Variants in NMD3 observed in about 807,000 individuals in gnomAD.
The protein encoded by NMD3 is NMD3 ribosome export adaptor, also known as 60S ribosomal export protein NMD3.
NMD3 carries 47 observed loss-of-function variants against 73.1 expected under a neutral mutation model. That is an observed-to-expected ratio of 0.64 (90% CI 0.51 to 0.82). The LOEUF (loss-of-function observed/expected upper bound fraction) is 0.82. NMD3 is among the 40% of genes least tolerant of loss of function. The pLI is 0.00. For missense variants in NMD3, 554 were observed against 612.5 expected, an observed-to-expected ratio of 0.90 and a Z score of 1.01; for synonymous variants, 210 against 194.5, an observed-to-expected ratio of 1.08 and a Z score of -0.66.
intron 11 of NMD3, 73 bp from the exon 12 acceptor site, chr3:161,246,263 A>T: frequency 1.8e-6 from 1 of 571,398 alleles, no homozygotes; most frequent in South Asian, 4.8e-5. Context: ...TCAATATTGT[A>T]TTTAACTTTT....
intron 4 of NMD3, among the ~76,000 whole-genome samples, chr3:161,230,722 A>T (rs1182263908): frequency 6.6e-6 from 1 of 152,208 alleles, no homozygotes. Flanking sequence ...CTAGAGGGGC[A>T]TTCTGGAGGT....
chr3:161,252,776 T>C, downstream of NMD3: 1 of 688,170 alleles, frequency 1.5e-6, no homozygotes, highest in Non-Finnish European at 2.6e-6. Context: ...TAGCCAAATC[T>C]GCACCTGAAG....
At position 161,250,909 on chromosome 3, in the gene NMD3, A is replaced by G; in HGVS notation, c.1511A>G (p.Ter504=). 1.9e-6 allele frequency: 3 copies of G among 1,611,222 alleles called. No individual in the cohort carries two copies. Among genetic ancestry groups the G allele is most frequent in the Non-Finnish European group, 2.5e-6 (3 of 1,178,202 alleles). ...TGEEGASMLT[*] ...GAAGAAGGTGCATCAATGCTGACAT[A>G]ATGAGATGTTGTAGACTGTTTCCAT... Residue 504 remains the stop codon, a stop_retained_variant, in exon 16 of 16, where the codon TAA becomes TGA. Transcript: ENST00000351193.
In NMD3 at chr3:161,234,844, G is replaced by A. The variant is rs781553096; in HGVS notation, c.475G>A (p.Val159Met). 2 of 1,613,392 alleles carry A rather than the reference G, an allele frequency of 1.2e-6. No homozygotes were observed. Among genetic ancestry groups the A allele is most frequent in the South Asian group, 1.1e-5 (1 of 91,060 alleles). The change falls in exon 6 of 16, where the codon GTG (valine) becomes ATG (methionine). Residue 159 changes from valine to methionine, a missense_variant. By Grantham distance (21) the Val-to-Met change is conservative (BLOSUM62 1). Coordinates refer to ENST00000351193, the MANE Select transcript of NMD3 (RefSeq NM_015938.5). ...GGATTTCTGGAAGGCTGTGATTCAAGTGAGGCAAAAGGTAATGAGAGAAGA... is the reference window on the plus strand; with the variant it reads ...GGATTTCTGGAAGGCTGTGATTCAAATGAGGCAAAAGGTAATGAGAGAAGA... ...AKDFWKAVIQ[V>M]RQKTLHKKTF...
At chr3:161,224,805 A>AT in intron 2 of NMD3, 125 bp from the exon 3 acceptor site, 5 of 972,044 alleles carry the variant, frequency 5.1e-6, no homozygotes, top group South Asian at 1.8e-5. Flanking sequence ...TGTTTCTGTT[A>AT]TTTTTTTGAA....
intron 7 of NMD3, among the ~76,000 whole-genome samples, chr3:161,235,576 G>T (rs950674681): frequency 6.6e-6 from 1 of 152,114 alleles, no homozygotes; most frequent in African/African-American, 2.4e-5. Flanking sequence ...TCAGTTAAGT[G>T]AGTGACATTG....
chr3:161,243,431 C>G (rs566166625), intron 11 of NMD3, among the ~76,000 whole-genome samples: 1 of 152,246 alleles, frequency 6.6e-6, no homozygotes, highest in South Asian at 2.1e-4. Context: ...TTACTGTGTT[C>G]AGATTTCCTC....
chr3:161,234,600 AT>A (rs1736671464), intron 5 of NMD3, 126 bp from the exon 6 acceptor site: 1 of 656,744 alleles, frequency 1.5e-6, no homozygotes, highest in African/African-American at 1.8e-5. Flanking sequence ...ATTTGAGGAC[AT>A]TTGATTGATG....
At chr3:161,240,978 A>G in intron 9 of NMD3, 68 bp from the exon 10 acceptor site, 1 of 894,878 alleles carries the variant, frequency 1.1e-6, no homozygotes, top group African/African-American at 1.7e-5. Flanking sequence ...TTGGGTGTTT[A>G]TTGATGAGTG....
chr3:161,249,213 A>C (rs1737375808), intron 13 of NMD3, among the ~76,000 whole-genome samples: 1 of 152,234 alleles, frequency 6.6e-6, no homozygotes, highest in Non-Finnish European at 1.5e-5. Flanking sequence ...GTATTCAGTC[A>C]CTGAAAAATT....
intron 11 of NMD3, among the ~76,000 whole-genome samples, chr3:161,245,867 A>T (rs2108099545): frequency 6.6e-6 from 1 of 152,192 alleles, no homozygotes; most frequent in South Asian, 2.1e-4. Flanking sequence ...TGGCCTCTCT[A>T]GTGGTTTACT....
chr3:161,250,162 C>T (rs1230897728), intron 14 of NMD3, 94 bp from the exon 15 acceptor site: 4 of 651,706 alleles, frequency 6.1e-6, no homozygotes, highest in Non-Finnish European at 1.1e-5. Flanking sequence ...TTGGAAACAG[C>T]AGTATGTCTA....
In NMD3 at chr3:161,252,004, G is replaced by T. The variant is rs1322059707; in HGVS notation, c.*1094G>T. 6.6e-6 allele frequency: 1 copy of T among 152,168 alleles called. No individual in the cohort carries two copies. Among genetic ancestry groups the T allele is most frequent in the African/African-American group, 2.4e-5 (1 of 41,432 alleles). 9.4% of individuals were successfully genotyped at this position (152,168 alleles called of 1,614,324 possible). A position where few individuals can be genotyped will look rare whatever the true frequency, so the allele number is the denominator to read the frequency against. ...GCCACTAAATAAAGAGATTGAGCAA[G>T]TGCCACTGTGTGGAACATTTTTCTT... is the stretch of plus-strand genomic sequence containing the variant. On this transcript the variant is annotated 3_prime_UTR_variant, in exon 16 of 16. Transcript: ENST00000351193.
intron 11 of NMD3, among the ~76,000 whole-genome samples, chr3:161,244,669 G>T (rs1737128020): frequency 7.4e-6 from 1 of 136,010 alleles, no homozygotes; most frequent in African/African-American, 2.8e-5. Flanking sequence ...AAGAGACAAG[G>T]TCTCACTCTG....
intron 4 of NMD3, among the ~76,000 whole-genome samples, chr3:161,232,809 C>T (rs1039878758): frequency 6.6e-6 from 1 of 151,542 alleles, no homozygotes; most frequent in African/African-American, 2.4e-5. Context: ...TTCTTGTTCT[C>T]CCACCCACCC....
chr3:161,247,120 G>T, intron 12 of NMD3, 138 bp from the exon 13 acceptor site: 1 of 584,400 alleles, frequency 1.7e-6, no homozygotes, highest in Non-Finnish European at 3.1e-6. Context: ...TGTTCATTGT[G>T]TAATAAATGA....
chr3:161,249,530 A>C lies in NMD3; in HGVS notation c.1280A>C (p.Glu427Ala), dbSNP rs1171941209. 1.9e-6 allele frequency: 3 copies of C among 1,611,962 alleles called. No homozygotes were observed. Among genetic ancestry groups the C allele is most frequent in the African/African-American group, 1.3e-5 (1 of 74,842 alleles). The change falls in exon 14 of 16, where the codon GAG becomes GCG. Residue 427 changes from glutamate (E) to alanine (A), a missense_variant. By Grantham distance (107) the Glu-to-Ala change is moderately radical (BLOSUM62 -1). Transcript: ENST00000351193. Reference sequence around the variant, plus strand: ...TGGAAATTGAAAGAGCTTGCAAGAGAGAGAGAAAACATGGATACAGATGAT... The same window carrying C: ...TGGAAATTGAAAGAGCTTGCAAGAGCGAGAGAAAACATGGATACAGATGAT... ...RNWKLKELAR[E>A]RENMDTDDER...
At chr3:161,221,913 G>GAATAAT in intron 1 of NMD3, 81 bp from the exon 2 acceptor site, 1 of 870,426 alleles carries the variant, frequency 1.1e-6, no homozygotes, top group Non-Finnish European at 1.7e-6. Context: ...GGAGGAAGAC[G>GAATAAT]TAAAAAGAGG....
intron 4 of NMD3, among the ~76,000 whole-genome samples, chr3:161,229,309 T>C (rs1270925201): frequency 6.6e-6 from 1 of 152,204 alleles, no homozygotes; most frequent in Non-Finnish European, 1.5e-5. Flanking sequence ...GGTGTTTAAG[T>C]TTTTGTAATA....
Sources: gnomAD v4.1 joint callset for allele counts (sites outside exome capture counted in the v4.1 genomes callset) on GRCh38, gnomAD v4.1.1 for gene constraint, MANE v1.5 for transcripts, NCBI Gene and HGNC (gene_info 2026-07-23, HGNC 2026-07-21) for gene names.